Variants in KATNAL1 observed in about 807,000 individuals in gnomAD.
KATNAL1 encodes katanin p60 ATPase-containing subunit A-like 1.
KATNAL1 carries 32 observed loss-of-function variants against 55.2 expected under a neutral mutation model. That is an observed-to-expected ratio of 0.58 (90% confidence interval 0.44 to 0.78). The LOEUF (loss-of-function observed/expected upper bound fraction) is 0.78. Ranked by LOEUF, KATNAL1 falls within the 30% of genes least tolerant of loss-of-function variation. KATNAL1 has a pLI of 0.00. For missense variants in KATNAL1, 466 were observed against 600.9 expected (o/e 0.78, Z 2.35); for synonymous variants, 193 against 193.6 (o/e 1.00, Z 0.02).
At chr13:30,307,123 G>C (rs1883234996) in intron 1 of KATNAL1, 1 of 152,046 alleles carries the variant, frequency 6.6e-6, no homozygotes, top group South Asian at 2.1e-4. Context: ...CCGCGAGCCC[G>C]AGGAGTCGCT....
chr13:30,231,460 C>A lies in KATNAL1; in HGVS notation c.739G>T (p.Val247Phe). ...IRRPWKGVLMVGPPGTGKTML... is the reference protein window; with the variant it reads ...IRRPWKGVLMFGPPGTGKTML... ...GTTTTACCAGTGCCTGGGGGTCCAA[C>A]CATCAGTACACCCTGAAATTTCAAA... is the stretch of plus-strand genomic sequence containing the variant. Residue 247 changes from valine (V) to phenylalanine (F), a missense_variant, in exon 7 of 11, where the codon GTT (valine) becomes TTT (phenylalanine). Coordinates refer to ENST00000380615, the MANE Select transcript of KATNAL1 (RefSeq NM_032116.5). The A allele has an allele frequency of 1.3e-6, 2 of 1,558,022 alleles. No individual in the cohort carries two copies. The highest frequency in any genetic ancestry group is 1.7e-6 in the Non-Finnish European group (2 of 1,151,990).
chr13:30,248,488 G>T lies in KATNAL1; in HGVS notation c.492+6959C>A, dbSNP rs933263051. 2.0e-5 allele frequency among the ~76,000 whole-genome samples: 3 copies of T among 152,162 alleles called. No individual in the cohort carries two copies. The South Asian group carries it at 6.2e-4, about 32-fold the overall frequency. ...ACTTAATATTCAAAGGACAGAAAAA[G>T]ATGTTTCTTAAAAACAAGTCATGAT... On this transcript the variant is annotated intron_variant, in intron 4 of 10. Coordinates refer to ENST00000380615, the MANE Select transcript of KATNAL1 (RefSeq NM_032116.5).
At chr13:30,299,061 T>G (rs762096240) in intron 1 of KATNAL1, among the ~76,000 whole-genome samples, 7 of 152,076 alleles carry the variant, frequency 4.6e-5, no homozygotes, top group Non-Finnish European at 1.0e-4. Context: ...GGAAAGAAAT[T>G]ATATTGACAG....
rs746836840 is a variant in KATNAL1 at position 30,280,064 on chromosome 13, T to C, written c.322A>G (p.Arg108Gly). Reference protein sequence around the residue: ...VWPPPVPAEHRAPPQIRRPNR... With the variant: ...VWPPPVPAEHGAPPQIRRPNR... ...AAGAGAATATAAAGTCCTATTTACC[T>C]GTGTTCTGCAGGAACAGGGGGTGGC... The change falls in exon 3 of 11, where the codon AGA becomes GGA. Residue 108 changes from arginine (R) to glycine (G), a missense_variant and splice_region_variant. By Grantham distance (125) the Arg-to-Gly change is moderately radical. Coordinates refer to ENST00000380615, the MANE Select transcript of KATNAL1 (RefSeq NM_032116.5). The C allele has an allele frequency of 8.1e-6, 13 of 1,610,046 alleles. No individual in the cohort carries two copies. Among genetic ancestry groups the C allele is most frequent in the Non-Finnish European group, 1.0e-5 (12 of 1,178,796 alleles).
chr13:30,301,238 C>G (rs1447742096), intron 1 of KATNAL1, among the ~76,000 whole-genome samples: 2 of 152,088 alleles, frequency 1.3e-5, no homozygotes, highest in Non-Finnish European at 2.9e-5. Flanking sequence ...GGCGTGGTAG[C>G]GAGTGCCTGT....
At chr13:30,262,596 C>T (rs1247681517) in intron 3 of KATNAL1, among the ~76,000 whole-genome samples, 18 of 152,052 alleles carry the variant, frequency 1.2e-4, no homozygotes, top group Admixed American at 2.6e-4. Flanking sequence ...AACACCTCTA[C>T]GCAAATAAAC....
At chr13:30,291,844 T>C (rs1361106918) in intron 1 of KATNAL1, among the ~76,000 whole-genome samples, 1 of 152,102 alleles carries the variant, frequency 6.6e-6, no homozygotes, top group Non-Finnish European at 1.5e-5. Context: ...AAGACCAGCC[T>C]GACCAACATG....
chr13:30,283,699 C>T lies in KATNAL1; in HGVS notation c.79G>A (p.Val27Ile). Residue 27 changes from valine (V) to isoleucine (I), a missense_variant, in exon 2 of 11, where the codon GTA (valine) becomes ATA (isoleucine). Physicochemically the swap from Val to Ile is conservative, Grantham distance 29. This residue lies in a region of KATNAL1 where 248 missense variants were observed against 275.5 expected (regional missense o/e 0.90). Transcript: ENST00000380615. ...TGCTGCATCACCCCCTGGTAATATA[C>T]CATTGATGAGTCGTAATTTCCAAGA... ...ALLGNYDSSMVYYQGVMQQIQ... is the reference protein window; with the variant it reads ...ALLGNYDSSMIYYQGVMQQIQ... 1 of 1,613,940 alleles carries T rather than the reference C, an allele frequency of 6.2e-7. No individual in the cohort carries two copies. The highest frequency in any genetic ancestry group is 8.5e-7 in the Non-Finnish European group (1 of 1,179,900).
chr13:30,300,280 A>G (rs1474722593), intron 1 of KATNAL1, among the ~76,000 whole-genome samples: 3 of 152,226 alleles, frequency 2.0e-5, no homozygotes, highest in Non-Finnish European at 4.4e-5. Flanking sequence ...TTTCTGCTTT[A>G]AACTATTTTT....
intron 4 of KATNAL1, among the ~76,000 whole-genome samples, chr13:30,243,667 A>T (rs186424945): frequency 9.1e-4 from 137 of 151,080 alleles, no homozygotes; most frequent in Non-Finnish European, 9.5e-4. Flanking sequence ...TAGATTTCAG[A>T]TCAGCAAAAG....
intron 3 of KATNAL1, among the ~76,000 whole-genome samples, chr13:30,267,346 G>C (rs1879857075): frequency 6.6e-6 from 1 of 152,112 alleles, no homozygotes; most frequent in Admixed American, 6.5e-5. Context: ...AATTCTCACA[G>C]GTCTTTGTCC....
At chr13:30,226,501 A>G (rs1875483266) in intron 9 of KATNAL1, among the ~76,000 whole-genome samples, 1 of 152,244 alleles carries the variant, frequency 6.6e-6, no homozygotes. Flanking sequence ...TGCAGTCACG[A>G]TTCCATTTAT....
chr13:30,222,660 G>A (rs1275834404), intron 9 of KATNAL1, among the ~76,000 whole-genome samples: 1 of 152,142 alleles, frequency 6.6e-6, no homozygotes, highest in Non-Finnish European at 1.5e-5. Flanking sequence ...AAAATGAATA[G>A]TAAAAACAGT....
At chr13:30,259,801 C>T (rs1264509533) in intron 3 of KATNAL1, among the ~76,000 whole-genome samples, 3 of 152,164 alleles carry the variant, frequency 2.0e-5, no homozygotes, top group African/African-American at 2.4e-5. Context: ...GGGGGAGGGG[C>T]GCCCACCATT....
chr13:30,253,684 T>A (rs953062321), intron 4 of KATNAL1, among the ~76,000 whole-genome samples: 1 of 145,142 alleles, frequency 6.9e-6, no homozygotes, highest in African/African-American at 2.6e-5. Flanking sequence ...AAAAAAAAAA[T>A]GTATTTGACA....
chr13:30,291,991 C>T (rs1268946655), intron 1 of KATNAL1, among the ~76,000 whole-genome samples: 1 of 151,944 alleles, frequency 6.6e-6, no homozygotes, highest in East Asian at 1.9e-4. Context: ...GCCGAGATCG[C>T]GCCACTGCAC....
In KATNAL1 at chr13:30,223,211, G is replaced by A. The variant is rs561227347; in HGVS notation, c.1147+4201C>T. Among the ~76,000 whole-genome samples, 299 of 152,082 alleles carry A rather than the reference G, an allele frequency of 2.0e-3. 1 individual carries two copies. Among genetic ancestry groups the A allele is most frequent in the Middle Eastern group, 6.8e-3 (2 of 294 alleles). On this transcript the variant is annotated intron_variant, in intron 9 of 10. Transcript: ENST00000380615. ...TCCCAGCACTTCGGGAGGCCAAGGC[G>A]GGCGGATCACAAGGTCAGGAGATCG...
chr13:30,259,323 C>A (rs529038906), intron 3 of KATNAL1, among the ~76,000 whole-genome samples: 2 of 151,066 alleles, frequency 1.3e-5, no homozygotes, highest in Non-Finnish European at 2.9e-5. Context: ...CTGGGCCACA[C>A]AGCAAGGCTC....
At chr13:30,242,731 G>A (rs1360478016) in intron 4 of KATNAL1, among the ~76,000 whole-genome samples, 2 of 152,018 alleles carry the variant, frequency 1.3e-5, no homozygotes, top group Non-Finnish European at 2.9e-5. Context: ...GTATAGGCCA[G>A]TTAAATGACC....
Sources: allele counts gnomAD v4.1 joint callset (sites outside exome capture counted in the v4.1 genomes callset), GRCh38; gene constraint gnomAD v4.1.1; regional missense constraint gnomAD v4.1.1; transcripts MANE v1.5; gene names NCBI Gene and HGNC (gene_info 2026-07-23, HGNC 2026-07-21).